PHACTR4: variants seen among roughly 807,000 people sequenced by gnomAD.
PHACTR4 encodes protein phosphatase 1, regulatory subunit 124.
Under a neutral mutation model 72.7 loss-of-function variants are expected in PHACTR4, and 51 were observed. The ratio of observed to expected loss-of-function variants is 0.70; its 90% CI spans 0.56 to 0.89. The LOEUF (loss-of-function observed/expected upper bound fraction) is 0.89. PHACTR4 is among the 40% of genes least tolerant of loss of function. The pLI, the probability that PHACTR4 is intolerant of heterozygous loss-of-function variation, is 0.00. For synonymous variants in PHACTR4, 255 were observed against 302.5 expected, an observed-to-expected ratio of 0.84 and a Z score of 1.63; for missense variants, 731 against 861.8, an observed-to-expected ratio of 0.85 and a Z score of 1.90.
intron 13 of PHACTR4, among the ~76,000 whole-genome samples, chr1:28,496,050 CTTTTTTTTTTTT>C (rs59019895): frequency 1.1e-5 from 1 of 88,762 alleles, no homozygotes; most frequent in Non-Finnish European, 2.1e-5. Context: ...GAGAAGAGTT[CTTTTTTTTTTTT>C]TTTTTTTTTT....
intron 2 of PHACTR4, among the ~76,000 whole-genome samples, chr1:28,407,840 C>T (rs1654467263): frequency 6.6e-6 from 1 of 152,054 alleles, no homozygotes; most frequent in Non-Finnish European, 1.5e-5. Flanking sequence ...CTATCTTAGC[C>T]AGGAGTGGTG....
chr1:28,389,140 A>G (rs1274642005), intron 1 of PHACTR4, among the ~76,000 whole-genome samples: 2 of 127,406 alleles, frequency 1.6e-5, no homozygotes, highest in Non-Finnish European at 1.6e-5. Context: ...AGGAAAAGTT[A>G]TGAGGAACTC....
At chr1:28,455,498 C>T (rs1414665353) in intron 2 of PHACTR4, among the ~76,000 whole-genome samples, 1 of 152,042 alleles carries the variant, frequency 6.6e-6, no homozygotes, top group Non-Finnish European at 1.5e-5. Flanking sequence ...TGCCTGGCCC[C>T]TAATTCATTT....
intron 2 of PHACTR4, among the ~76,000 whole-genome samples, chr1:28,455,198 C>CTTTCTTTTTTTTTTTTTTTTTTTTT (rs1250815977): frequency 1.2e-5 from 1 of 85,974 alleles, no homozygotes; most frequent in Admixed American, 1.3e-4. Context: ...TTCTTTCTTT[C>CTTTCTTTTTTTTTTTTTTTTTTTTT]TTTTTTTTTT....
At position 28,447,041 on chromosome 1, in the gene PHACTR4, C is replaced by T. The variant is rs191336638; in HGVS notation, c.17-12044C>T. Reference sequence around the variant, plus strand: ...TTATTTATTTATTTAGATAGAGTCTCACTTTGTTGCCCAGGCTGGAGTCCA... The same window carrying T: ...TTATTTATTTATTTAGATAGAGTCTTACTTTGTTGCCCAGGCTGGAGTCCA... On this transcript the variant is annotated intron_variant, in intron 2 of 13. Coordinates refer to ENST00000373839, the MANE Select transcript of PHACTR4 (RefSeq NM_001048183.3). Among the ~76,000 whole-genome samples, 484 of 137,004 alleles carry T rather than the reference C, an allele frequency of 3.5e-3. 3 individuals carry two copies. The highest frequency in any genetic ancestry group is 0.015 in the African/African-American group (441 of 29,122). 89.9% of individuals were successfully genotyped at this position (137,004 alleles called of 152,430 possible).
intron 2 of PHACTR4, among the ~76,000 whole-genome samples, chr1:28,452,197 C>G (rs1243891902): frequency 2.0e-5 from 3 of 151,452 alleles, no homozygotes; most frequent in Non-Finnish European, 4.4e-5. Context: ...AGATTTACAA[C>G]AATTTGAAAA....
chr1:28,397,974 A>G (rs1458065626), intron 1 of PHACTR4, among the ~76,000 whole-genome samples: 1 of 151,814 alleles, frequency 6.6e-6, no homozygotes, highest in Non-Finnish European at 1.5e-5. Flanking sequence ...CGGCCTCCCA[A>G]AGTGCTGGGA....
At chr1:28,428,214 A>G (rs1394511947) in intron 2 of PHACTR4, among the ~76,000 whole-genome samples, 4 of 152,132 alleles carry the variant, frequency 2.6e-5, no homozygotes, top group Non-Finnish European at 2.9e-5. Context: ...CCCACAACAT[A>G]TGAACCTTTT....
Position 28,491,704 on chromosome 1 carries a change from A to C in PHACTR4, c.1933A>C (p.Asn645His). The change falls in exon 12 of 14, where the codon AAT (asparagine) becomes CAT (histidine). Residue 645 changes from asparagine (N) to histidine (H), a missense_variant. Physicochemically the swap from Asn to His is moderately conservative, Grantham distance 68. Transcript: ENST00000373839. ...CCTTGCCAGGAAGATTCTGAGGTTT[A>C]ATGAATATGTAGAGGTAACAGATGC... The part of the protein sequence containing the change: ...ELLARKILRF[N>H]EYVEVTDAQD... 1 of 1,614,196 alleles carries C rather than the reference A, an allele frequency of 6.2e-7. No individual in the cohort carries two copies. The highest frequency in any genetic ancestry group is 8.5e-7 in the Non-Finnish European group (1 of 1,180,016).
intron 1 of PHACTR4, among the ~76,000 whole-genome samples, chr1:28,376,503 T>C (rs1450033742): frequency 4.7e-5 from 7 of 148,704 alleles, no homozygotes; most frequent in East Asian, 2.0e-4. Flanking sequence ...TTTTTTTTTT[T>C]CTTTTAGTAG....
intron 6 of PHACTR4, among the ~76,000 whole-genome samples, chr1:28,470,960 G>A (rs1659519724): frequency 6.6e-6 from 1 of 151,786 alleles, no homozygotes; most frequent in Non-Finnish European, 1.5e-5. Flanking sequence ...AGGAGATCGA[G>A]GCTGCAGTGA....
chr1:28,416,598 C>T (rs2124321797), intron 2 of PHACTR4, among the ~76,000 whole-genome samples: 1 of 152,296 alleles, frequency 6.6e-6, no homozygotes, highest in African/African-American at 2.4e-5. Flanking sequence ...GTCCTCTCAC[C>T]ACTTTTTATC....
chr1:28,481,178 G>A (rs1424783511), intron 9 of PHACTR4, among the ~76,000 whole-genome samples: 2 of 151,928 alleles, frequency 1.3e-5, no homozygotes, highest in African/African-American at 2.4e-5. Flanking sequence ...TCAGGCATGC[G>A]CCACCATGCA....
Position 28,462,066 on chromosome 1 carries a change from G to A in PHACTR4, c.271+1774G>A, listed in dbSNP as rs1450261664. ...TCTCTCTCCCAGGCTGGAGTGCAGT[G>A]GTGTGATCTTGGCTCACTGCAACCT... On this transcript the variant is annotated intron_variant, in intron 4 of 13. Coordinates refer to ENST00000373839, the MANE Select transcript of PHACTR4 (RefSeq NM_001048183.3). 3.3e-5 allele frequency among the ~76,000 whole-genome samples: 5 copies of A among 151,632 alleles called. No homozygotes were observed. The South Asian group carries it at 8.3e-4, about 25-fold the overall frequency.
intron 2 of PHACTR4, among the ~76,000 whole-genome samples, chr1:28,410,550 A>T (rs1654713609): frequency 6.6e-6 from 1 of 152,170 alleles, no homozygotes; most frequent in Non-Finnish European, 1.5e-5. Context: ...CTTAAATATA[A>T]CTTAAATTTT....
rs535752831 is a variant in PHACTR4 at position 28,497,157 on chromosome 1, C to T, written c.*608C>T. 1.3e-5 allele frequency: 2 copies of T among 152,382 alleles called. No individual in the cohort carries two copies. Among genetic ancestry groups the T allele is most frequent in the East Asian group, 3.9e-4 (2 of 5,190 alleles). The allele number at this position is 152,382 out of a possible 1,614,324, so 9.4% of individuals were successfully genotyped here. ...GCCTGAGAGGAAGCTCAGGATCTGA[C>T]ATGTTCTTCCTTTTCCTCACAAGTC... On this transcript the variant is annotated 3_prime_UTR_variant, in exon 14 of 14. Coordinates refer to ENST00000373839, the MANE Select transcript of PHACTR4 (RefSeq NM_001048183.3).
intron 1 of PHACTR4, among the ~76,000 whole-genome samples, chr1:28,370,596 A>G (rs897519524): frequency 7.2e-6 from 1 of 138,078 alleles, no homozygotes; most frequent in African/African-American, 3.0e-5. Flanking sequence ...CTTACAGGGC[A>G]TCACTGATTG....
intron 2 of PHACTR4, among the ~76,000 whole-genome samples, chr1:28,416,194 G>T (rs1569879269): frequency 1.3e-5 from 2 of 152,078 alleles, no homozygotes; most frequent in African/African-American, 4.8e-5. Flanking sequence ...ATTACATGAT[G>T]CCAAAATTGA....
intron 1 of PHACTR4, among the ~76,000 whole-genome samples, chr1:28,380,051 CTTTTTTTTT>C (rs1227241664): frequency 8.5e-6 from 1 of 117,324 alleles, no homozygotes; most frequent in South Asian, 2.7e-4. Context: ...TTAAATGTAA[CTTTTTTTTT>C]TTTTTTTTTT....
Sources: allele counts gnomAD v4.1 joint callset (sites outside exome capture counted in the v4.1 genomes callset), GRCh38; gene constraint gnomAD v4.1.1; transcripts MANE v1.5; gene names NCBI Gene and HGNC (gene_info 2026-07-23, HGNC 2026-07-21).